SRPK2: variants seen among roughly 807,000 people sequenced by gnomAD.
SRPK2 encodes the protein SFRS protein kinase 2.
In SRPK2, 21 loss-of-function variants were observed where a neutral mutation model predicts 90.8. That is an observed-to-expected ratio of 0.23 (90% confidence interval 0.16 to 0.33). The LOEUF (loss-of-function observed/expected upper bound fraction) is 0.33, where lower values mean the gene tolerates loss of function less well. Among genes scored for constraint, SRPK2 ranks in the 10% least tolerant of loss-of-function variants. The probability of loss-of-function intolerance (pLI) is 1.00; values close to 1 mark genes in which losing one functional copy is unlikely to be tolerated. For synonymous variants in SRPK2, 288 were observed against 311.1 expected (o/e 0.93, Z 0.78); for missense variants, 620 against 869.0 (o/e 0.71, Z 3.60).
intron 3 of SRPK2, among the ~76,000 whole-genome samples, chr7:105,202,651 G>A (rs193140624): frequency 6.6e-6 from 1 of 152,228 alleles, no homozygotes. Context: ...ATCAATACAA[G>A]AACACTCCAC....
chr7:105,170,812 A>AAG (rs1790767722), intron 3 of SRPK2, among the ~76,000 whole-genome samples: 1 of 105,550 alleles, frequency 9.5e-6, no homozygotes, highest in Non-Finnish European at 2.0e-5. Context: ...AGGGAGAGAG[A>AAG]GAGGGAGAGA....
intron 3 of SRPK2, among the ~76,000 whole-genome samples, chr7:105,180,612 G>C (rs1410069925): frequency 6.6e-6 from 1 of 152,112 alleles, no homozygotes; most frequent in Non-Finnish European, 1.5e-5. Flanking sequence ...ACAAAAATTA[G>C]CCAGGTGTGG....
intron 2 of SRPK2, among the ~76,000 whole-genome samples, chr7:105,303,974 G>C (rs1447380225): frequency 6.6e-6 from 1 of 152,204 alleles, no homozygotes. Context: ...AAAATCGGTA[G>C]AGTTGACTTC....
intron 2 of SRPK2, among the ~76,000 whole-genome samples, chr7:105,221,258 C>T (rs1251407077): frequency 6.6e-6 from 1 of 152,188 alleles, no homozygotes; most frequent in African/African-American, 2.4e-5. Context: ...ATATTTCACT[C>T]CTGTCACTAG....
chr7:105,388,360 CG>C (rs1821893044), intron 2 of SRPK2, among the ~76,000 whole-genome samples: 1 of 150,704 alleles, frequency 6.6e-6, no homozygotes, highest in African/African-American at 2.4e-5. Context: ...ACGCCCTGCC[CG>C]GCGCCTTTCC....
At chr7:105,214,083 C>T (rs760845483) in intron 2 of SRPK2, among the ~76,000 whole-genome samples, 8 of 152,208 alleles carry the variant, frequency 5.3e-5, no homozygotes, top group Non-Finnish European at 8.8e-5. Context: ...CAGTCATCCT[C>T]CTTCAAGCAC....
chr7:105,385,171 AT>A (rs767913304), intron 2 of SRPK2, among the ~76,000 whole-genome samples: 71 of 49,682 alleles, frequency 1.4e-3, no homozygotes, highest in African/African-American at 3.6e-3. Context: ...CGCGCCCGGC[AT>A]TTTTTTTTTT....
chr7:105,120,193 G>A (rs181517269), intron 15 of SRPK2, among the ~76,000 whole-genome samples: 11 of 152,252 alleles, frequency 7.2e-5, no homozygotes, highest in South Asian at 4.2e-4. Context: ...GAAAGGGAGC[G>A]AACTTTTATG....
At chr7:105,168,785 G>GT (rs374842359) in intron 4 of SRPK2, among the ~76,000 whole-genome samples, 8 of 147,178 alleles carry the variant, frequency 5.4e-5, no homozygotes, top group East Asian at 4.0e-4. Flanking sequence ...GTGTGTGTAT[G>GT]GAGTAGCAAT....
chr7:105,205,517 T>TCA (rs543121144), intron 2 of SRPK2, among the ~76,000 whole-genome samples: 108 of 95,878 alleles, frequency 1.1e-3, no homozygotes, highest in African/African-American at 3.2e-3. Context: ...TCTCTCTCTC[T>TCA]CACACACACA....
chr7:105,133,437 A>G (rs1487383353), intron 11 of SRPK2, among the ~76,000 whole-genome samples: 2 of 152,104 alleles, frequency 1.3e-5, no homozygotes, highest in Admixed American at 6.6e-5. Flanking sequence ...GCGGCTCTTC[A>G]TGGTGTCAAT....
intron 2 of SRPK2, among the ~76,000 whole-genome samples, chr7:105,314,067 G>A (rs1812034509): frequency 6.6e-6 from 1 of 152,080 alleles, no homozygotes; most frequent in Non-Finnish European, 1.5e-5. Flanking sequence ...AAAACCAGTT[G>A]GGCGTGGTGG....
intron 3 of SRPK2, among the ~76,000 whole-genome samples, chr7:105,177,665 G>C (rs1301046030): frequency 4.6e-5 from 7 of 152,080 alleles, no homozygotes; most frequent in Non-Finnish European, 1.0e-4. Context: ...GAGTTCATAG[G>C]TTATCACTGT....
chr7:105,205,552 CA>C (rs56833526), intron 2 of SRPK2, among the ~76,000 whole-genome samples: 2 of 143,390 alleles, frequency 1.4e-5, no homozygotes, highest in South Asian at 2.1e-4. Flanking sequence ...CACACACACA[CA>C]CACACACACA....
In SRPK2 at chr7:105,329,700, T is replaced by TA. The variant is rs531586008; in HGVS notation, c.71+58947_71+58948insT. Among the ~76,000 whole-genome samples, 350 of 151,986 alleles carry TA rather than the reference T, an allele frequency of 2.3e-3. 1 individual carries two copies. Among genetic ancestry groups the TA allele is most frequent in the African/African-American group, 8.1e-3 (337 of 41,424 alleles). On this transcript the variant is annotated intron_variant, in intron 2 of 15. Transcript: ENST00000393651. ...CCCAATTCAGCATTTTTCCCCATTT[T>TA]CTCCTGTAGAAAAACAGAAGAAAGG...
chr7:105,145,360 T>A, intron 8 of SRPK2, 52 bp from the exon 9 acceptor site: 1 of 1,364,906 alleles, frequency 7.3e-7, no homozygotes, highest in Non-Finnish European at 1.0e-6. Flanking sequence ...GACACATGCC[T>A]TCATGTAGGT....
rs1797369285 is a variant in SRPK2 at position 105,215,627 on chromosome 7, C to T, written c.72-11842G>A. On this transcript the variant is annotated intron_variant, in intron 2 of 15. Coordinates refer to ENST00000393651, the MANE Select transcript of SRPK2 (RefSeq NM_182692.3). The stretch of plus-strand genomic sequence containing the variant: ...TGGATAAATTAAAATGTGGTATATC[C>T]AATACAACAGACTATTACTCAACAA... Among the ~76,000 whole-genome samples, 3 of 152,082 alleles carry T rather than the reference C, an allele frequency of 2.0e-5. No individual in the cohort carries two copies. In the South Asian group the frequency reaches 6.2e-4, roughly 32 times the overall value.
intron 2 of SRPK2, among the ~76,000 whole-genome samples, chr7:105,226,813 T>C (rs927673817): frequency 4.6e-5 from 7 of 151,784 alleles, no homozygotes; most frequent in Non-Finnish European, 8.8e-5. Flanking sequence ...CCATGGCCAA[T>C]ATGGAGAAAC....
chr7:105,218,933 A>G (rs1325666983), intron 2 of SRPK2, among the ~76,000 whole-genome samples: 1 of 152,136 alleles, frequency 6.6e-6, no homozygotes, highest in Non-Finnish European at 1.5e-5. Context: ...GAAATTCAAC[A>G]ATTTTTTTTA....
Sources: allele counts gnomAD v4.1 joint callset (sites outside exome capture counted in the v4.1 genomes callset), GRCh38; gene constraint gnomAD v4.1.1; transcripts MANE v1.5; gene names NCBI Gene and HGNC (gene_info 2026-07-23, HGNC 2026-07-21).